Variants in DLGAP1 observed in about 807,000 individuals in gnomAD.
DLGAP1 encodes the protein DLG associated protein 1.
DLGAP1 carries 11 observed loss-of-function variants against 90.8 expected under a neutral mutation model. The observed-to-expected ratio is 0.12, with a 90% CI of 0.08 to 0.20. DLGAP1 has a LOEUF of 0.20. Among genes scored for constraint, DLGAP1 ranks in the 10% least tolerant of loss-of-function variants. The probability of loss-of-function intolerance (pLI) is 1.00; values close to 1 mark genes in which losing one functional copy is unlikely to be tolerated. For synonymous variants in DLGAP1, 558 were observed against 540.7 expected, an observed-to-expected ratio of 1.03 and a Z score of -0.44; for missense variants, 1,050 against 1,333.8, an observed-to-expected ratio of 0.79 and a Z score of 3.31.
intron 2 of DLGAP1, among the ~76,000 whole-genome samples, chr18:4,047,487 T>G (rs1354173924): frequency 6.6e-6 from 1 of 152,238 alleles, no homozygotes; most frequent in East Asian, 1.9e-4. Context: ...ACAGACCAGA[T>G]AATTATGAAA....
chr18:4,444,730 G>C (rs1400487900), intron 1 of DLGAP1, among the ~76,000 whole-genome samples: 1 of 152,056 alleles, frequency 6.6e-6, no homozygotes, highest in African/African-American at 2.4e-5. Context: ...AAGATGGTTG[G>C]CAGATCGGTT....
In DLGAP1 at chr18:3,541,917, A is replaced by G. The variant is rs1791148; in HGVS notation, c.2058-7302T>C. Among the ~76,000 whole-genome samples, 410 of 150,758 alleles carry G rather than the reference A, an allele frequency of 2.7e-3. 2 individuals carry two copies. Among genetic ancestry groups the G allele is most frequent in the African/African-American group, 7.5e-3 (305 of 40,868 alleles). On this transcript the variant is annotated intron_variant, in intron 9 of 12. Coordinates refer to ENST00000315677, the MANE Select transcript of DLGAP1 (RefSeq NM_004746.4). The stretch of plus-strand genomic sequence containing the variant: ...AGGCAATATTGGTGGAAAAAAAAAA[A>G]GGGGTAACAGTCCTATTCACTGAGG...
At chr18:4,059,448 G>A (rs1345874248) in intron 2 of DLGAP1, among the ~76,000 whole-genome samples, 1 of 152,130 alleles carries the variant, frequency 6.6e-6, no homozygotes, top group East Asian at 1.9e-4. Context: ...TAGAAGGCAT[G>A]AGCCGCCGCA....
chr18:4,430,502 C>CTGAGTGTGTGTGTGTGTGTG (rs2083262824), intron 1 of DLGAP1: 1 of 142,550 alleles, frequency 7.0e-6, no homozygotes, highest in Non-Finnish European at 1.5e-5. Flanking sequence ...TCTTGTGTGT[C>CTGAGTGTGTGTGTGTGTGTG]TGTGTGTGTG....
At chr18:4,029,953 T>C (rs939242827) in intron 2 of DLGAP1, among the ~76,000 whole-genome samples, 3 of 152,214 alleles carry the variant, frequency 2.0e-5, no homozygotes, top group African/African-American at 7.2e-5. Flanking sequence ...ATTCTATTTA[T>C]TGCCTTTCTC....
intron 3 of DLGAP1, among the ~76,000 whole-genome samples, chr18:3,966,036 A>G (rs2073323276): frequency 6.6e-6 from 1 of 151,926 alleles, no homozygotes; most frequent in Non-Finnish European, 1.5e-5. Context: ...ATACAGACAA[A>G]TACTTAAGTA....
chr18:4,162,740 G>A (rs1410539708), intron 1 of DLGAP1, among the ~76,000 whole-genome samples: 1 of 151,988 alleles, frequency 6.6e-6, no homozygotes, highest in East Asian at 1.9e-4. Context: ...TTGAGCTCCT[G>A]GTCACAAGGT....
At chr18:3,939,282 G>A (rs541539722) in intron 3 of DLGAP1, among the ~76,000 whole-genome samples, 1 of 151,668 alleles carries the variant, frequency 6.6e-6, no homozygotes, top group Non-Finnish European at 1.5e-5. Context: ...AGCCCTGTGT[G>A]GTGGTGGGCA....
intron 1 of DLGAP1, among the ~76,000 whole-genome samples, chr18:4,405,576 C>G (rs2082644768): frequency 6.6e-6 from 1 of 152,092 alleles, no homozygotes; most frequent in Non-Finnish European, 1.5e-5. Flanking sequence ...CATGTATATG[C>G]ATAATGATAA....
rs551858199 is a variant in DLGAP1, at chr18:4,258,082, G to T, written c.-266-106795C>A. 2.6e-5 allele frequency among the ~76,000 whole-genome samples: 4 copies of T among 151,630 alleles called. No homozygotes were observed. The East Asian group carries it at 7.8e-4, about 30-fold the overall frequency. ...AACTTTATTTATTTAGCTTGGATAA[G>T]CATGGGACTCACCCAGGCTGGAGTG... On this transcript the variant is annotated intron_variant, in intron 1 of 12. Transcript: ENST00000315677.
intron 1 of DLGAP1, among the ~76,000 whole-genome samples, chr18:4,193,165 C>A (rs534259046): frequency 6.6e-6 from 1 of 152,286 alleles, no homozygotes; most frequent in African/African-American, 2.4e-5. Flanking sequence ...GACTCAAATG[C>A]TAGGACAATA....
chr18:4,244,151 T>C (rs2078604758), intron 1 of DLGAP1, among the ~76,000 whole-genome samples: 1 of 152,182 alleles, frequency 6.6e-6, no homozygotes. Context: ...AAGATAATAA[T>C]TTGAAATATA....
chr18:3,546,255 G>A (rs963264668), intron 9 of DLGAP1, among the ~76,000 whole-genome samples: 9 of 151,868 alleles, frequency 5.9e-5, no homozygotes, highest in African/African-American at 1.4e-4. Flanking sequence ...AAACGCCTTC[G>A]CTACAAAAAT....
At chr18:3,693,704 T>A (rs2060979424) in intron 7 of DLGAP1, among the ~76,000 whole-genome samples, 1 of 152,202 alleles carries the variant, frequency 6.6e-6, no homozygotes, top group African/African-American at 2.4e-5. Context: ...ACGACCCCAA[T>A]ACACTTAAAA....
rs148086332 is a variant in DLGAP1 at position 3,831,479 on chromosome 18, G to A, written c.958-17206C>T. Among the ~76,000 whole-genome samples, 79 of 152,298 alleles carry A rather than the reference G, an allele frequency of 5.2e-4. 1 individual carries two copies. The highest frequency in any genetic ancestry group is 1.6e-3 in the African/African-American group (65 of 41,556). ...TTATACTGTATTGTTCTCTTAAAGA[G>A]TTTCCATCCATATGAGCATCTTAAA... On this transcript the variant is annotated intron_variant, in intron 4 of 12. Transcript: ENST00000315677.
chr18:3,772,130 TTTTC>T (rs940840361), intron 5 of DLGAP1, among the ~76,000 whole-genome samples: 42 of 151,370 alleles, frequency 2.8e-4, no homozygotes, highest in Admixed American at 9.8e-4. Flanking sequence ...CTTTCTTTTC[TTTTC>T]TTTCTCTCCT....
At chr18:4,091,007 C>T (rs1260444950) in intron 2 of DLGAP1, among the ~76,000 whole-genome samples, 1 of 152,204 alleles carries the variant, frequency 6.6e-6, no homozygotes, top group Non-Finnish European at 1.5e-5. Flanking sequence ...AAAGCAAACA[C>T]TGCGTGTTCT....
intron 2 of DLGAP1, among the ~76,000 whole-genome samples, chr18:4,105,296 T>C (rs2075840821): frequency 6.6e-6 from 1 of 152,186 alleles, no homozygotes; most frequent in South Asian, 2.1e-4. Flanking sequence ...TAGTGTGCTT[T>C]CCTCTATGCA....
intron 1 of DLGAP1, among the ~76,000 whole-genome samples, chr18:4,255,558 C>T (rs2078872437): frequency 6.6e-6 from 1 of 151,212 alleles, no homozygotes; most frequent in African/African-American, 2.4e-5. Flanking sequence ...TTAGTGACCA[C>T]TATTTTCCCT....
Sources: gnomAD v4.1 joint callset for allele counts (sites outside exome capture counted in the v4.1 genomes callset) on GRCh38, gnomAD v4.1.1 for gene constraint, MANE v1.5 for transcripts, NCBI Gene and HGNC (gene_info 2026-07-23, HGNC 2026-07-21) for gene names.